ADARB1: variants seen among roughly 807,000 people sequenced by gnomAD.
The protein encoded by ADARB1 is adenosine deaminase RNA specific B1, also known as double-stranded RNA-specific editase 1.
Under a neutral mutation model 52.4 loss-of-function variants are expected in ADARB1, and 10 were observed. The ratio of observed to expected loss-of-function variants is 0.19; its 90% CI spans 0.12 to 0.32. The LOEUF is 0.32. Among genes scored for constraint, ADARB1 ranks in the 10% least tolerant of loss-of-function variants. The pLI is 1.00. For missense variants in ADARB1, 643 were observed against 922.3 expected, an observed-to-expected ratio of 0.70 and a Z score of 3.92; for synonymous variants, 349 against 371.1, an observed-to-expected ratio of 0.94 and a Z score of 0.68.
chr21:45,174,702 CAT>C (rs2091622033), intron 3 of ADARB1, among the ~76,000 whole-genome samples: 1 of 151,948 alleles, frequency 6.6e-6, no homozygotes, highest in Non-Finnish European at 1.5e-5. Context: ...TACATACATA[CAT>C]ACATACATAC....
Position 45,223,530 on chromosome 21 carries a change from C to T in ADARB1, c.*1333C>T. On this transcript the variant is annotated 3_prime_UTR_variant, in exon 11 of 11. Transcript: ENST00000348831. ...TGAAAGAGGAGCTGAGAGAAGTGCT[C>T]TGCCTGCCAGTGCAGTGCCCAGCTC... 2.0e-6 allele frequency: 2 copies of T among 985,712 alleles called. No homozygotes were observed. Among genetic ancestry groups the T allele is most frequent in the Non-Finnish European group, 2.4e-6 (2 of 830,134 alleles). The allele number at this position is 985,712 out of a possible 1,614,324, so 61.1% of individuals were successfully genotyped here.
At chr21:45,132,957 C>T (rs796495990) in intron 2 of ADARB1, among the ~76,000 whole-genome samples, 1 of 152,360 alleles carries the variant, frequency 6.6e-6, no homozygotes, top group African/African-American at 2.4e-5. Context: ...CGACAATCTT[C>T]CAAAGCCACA....
intron 8 of ADARB1, among the ~76,000 whole-genome samples, chr21:45,186,534 AT>A (rs768267118): frequency 1.3e-5 from 2 of 152,226 alleles, no homozygotes; most frequent in Non-Finnish European, 2.9e-5. Flanking sequence ...CCAATAGTGC[AT>A]TAAGTTAGCT....
intron 1 of ADARB1, among the ~76,000 whole-genome samples, chr21:45,126,277 G>C (rs908626702): frequency 3.9e-5 from 6 of 152,288 alleles, no homozygotes; most frequent in African/African-American, 1.2e-4. Flanking sequence ...TTGAGGAGCT[G>C]ATGTGTGATG....
chr21:45,147,837 C>T (rs1601595900), intron 2 of ADARB1, among the ~76,000 whole-genome samples: 1 of 152,188 alleles, frequency 6.6e-6, no homozygotes, highest in East Asian at 1.9e-4. Context: ...CTCTCTGTTT[C>T]TGCTCCCAGC....
intron 5 of ADARB1, among the ~76,000 whole-genome samples, chr21:45,181,215 A>G (rs1465767306): frequency 6.6e-6 from 1 of 152,194 alleles, no homozygotes; most frequent in Admixed American, 6.5e-5. Context: ...CCAGCCCAGG[A>G]GAAACCCCCA....
intron 9 of ADARB1, among the ~76,000 whole-genome samples, chr21:45,209,524 G>C (rs1382036611): frequency 1.3e-5 from 2 of 152,214 alleles, no homozygotes; most frequent in Non-Finnish European, 2.9e-5. Flanking sequence ...TGTGTGCCAG[G>C]TGGACTGGGG....
intron 7 of ADARB1, 110 bp downstream of exon 7, chr21:45,183,620 G>C: frequency 7.9e-7 from 1 of 1,261,704 alleles, no homozygotes. Context: ...TTTTAGACTT[G>C]GATGTGGATC....
chr21:45,104,082 T>C (rs574472419), intron 1 of ADARB1, among the ~76,000 whole-genome samples: 1 of 152,296 alleles, frequency 6.6e-6, no homozygotes, highest in East Asian at 1.9e-4. Flanking sequence ...CCTGGAGCAG[T>C]GCGTTCAGCT....
At chr21:45,171,564 C>A in intron 2 of ADARB1, 46 bp from the exon 3 acceptor site, 1 of 1,182,518 alleles carries the variant, frequency 8.5e-7, no homozygotes. Context: ...CTTCATATTA[C>A]TCCTGTCATA....
intron 1 of ADARB1, among the ~76,000 whole-genome samples, chr21:45,081,044 G>A (rs994351132): frequency 2.6e-5 from 4 of 151,752 alleles, no homozygotes; most frequent in African/African-American, 9.7e-5. Context: ...CAGCCAATGC[G>A]ATGAAATGTG....
At chr21:45,077,611 G>A (rs967365009) in intron 1 of ADARB1, among the ~76,000 whole-genome samples, 3 of 151,894 alleles carry the variant, frequency 2.0e-5, no homozygotes, top group Admixed American at 2.0e-4. Flanking sequence ...AGCTTGCAAT[G>A]AGCTGAGACC....
chr21:45,146,158 C>T (rs1010099070), intron 2 of ADARB1: 1 of 149,354 alleles, frequency 6.7e-6, no homozygotes, highest in Non-Finnish European at 1.5e-5. Context: ...GGATTACCTA[C>T]GGCCAGATGG....
intron 2 of ADARB1, among the ~76,000 whole-genome samples, chr21:45,139,010 T>C (rs1203794912): frequency 2.0e-5 from 3 of 151,544 alleles, no homozygotes; most frequent in Admixed American, 2.0e-4. Context: ...AAGCTCCGCC[T>C]CTCGGGTTCA....
At chr21:45,111,490 C>T (rs1024612781) in intron 1 of ADARB1, among the ~76,000 whole-genome samples, 2 of 152,074 alleles carry the variant, frequency 1.3e-5, no homozygotes, top group Admixed American at 6.5e-5. Flanking sequence ...TCATGGTTTC[C>T]ATGAGGGTGC....
At chr21:45,089,334 A>G (rs952989583) in intron 1 of ADARB1, among the ~76,000 whole-genome samples, 2 of 152,232 alleles carry the variant, frequency 1.3e-5, no homozygotes, top group East Asian at 3.8e-4. Context: ...AAGTTGAAAA[A>G]GAAACCCATG....
At chr21:45,119,120 C>T (rs1047670305) in intron 1 of ADARB1, among the ~76,000 whole-genome samples, 11 of 152,146 alleles carry the variant, frequency 7.2e-5, no homozygotes, top group Admixed American at 5.2e-4. Context: ...GGCAGGGTCT[C>T]GCTCTGTCAC....
chr21:45,164,137 C>T lies in ADARB1; in HGVS notation c.-47-7473C>T, dbSNP rs555427204. 3.9e-5 allele frequency among the ~76,000 whole-genome samples: 6 copies of T among 152,312 alleles called. No homozygotes were observed. The South Asian group carries it at 1.2e-3, about 32-fold the overall frequency. ...TTTAAAGAGCAGAAAGCTGCAGAGC[C>T]ACTGCCACGTCGCAGGCACCATCGA... On this transcript the variant is annotated intron_variant, in intron 2 of 10. Coordinates refer to ENST00000348831, the MANE Select transcript of ADARB1 (RefSeq NM_001112.4).
At chr21:45,076,373 G>C (rs7275931) in intron 1 of ADARB1, among the ~76,000 whole-genome samples, 10,820 of 152,266 alleles carry the variant, frequency 0.071, 447 homozygotes, top group East Asian at 0.15. Flanking sequence ...GCCTGTGGTG[G>C]AGAGGATGAA....
Sources: gnomAD v4.1 joint callset for allele counts (sites outside exome capture counted in the v4.1 genomes callset) on GRCh38, gnomAD v4.1.1 for gene constraint, MANE v1.5 for transcripts, NCBI Gene and HGNC (gene_info 2026-07-23, HGNC 2026-07-21) for gene names.